LSAMP: variants seen among roughly 807,000 people sequenced by gnomAD.
The protein encoded by LSAMP is limbic system associated membrane protein.
In LSAMP, 7 loss-of-function variants were observed where a neutral mutation model predicts 38.6. The observed-to-expected ratio is 0.18, with a 90% CI of 0.10 to 0.34. The LOEUF (loss-of-function observed/expected upper bound fraction) is 0.34, where lower values mean the gene tolerates loss of function less well. Among genes scored for constraint, LSAMP ranks in the 10% least tolerant of loss-of-function variants. LSAMP has a pLI of 1.00. For missense variants in LSAMP, 313 were observed against 420.0 expected (o/e 0.75, Z 2.23); for synonymous variants, 154 against 166.8 (o/e 0.92, Z 0.59).
intron 2 of LSAMP, among the ~76,000 whole-genome samples, chr3:116,078,109 C>A: frequency 6.6e-6 from 1 of 152,000 alleles, no homozygotes; most frequent in East Asian, 1.9e-4. Context: ...TTGTGGGCAG[C>A]TACTTTAACA....
intron 3 of LSAMP, among the ~76,000 whole-genome samples, chr3:115,995,034 T>A (rs890325164): frequency 8.5e-5 from 13 of 152,136 alleles, no homozygotes; most frequent in African/African-American, 3.1e-4. Flanking sequence ...TGTAAAGCAT[T>A]CCTAGAAGCT....
chr3:116,301,628 T>C (rs999432611), intron 1 of LSAMP, among the ~76,000 whole-genome samples: 4 of 152,158 alleles, frequency 2.6e-5, no homozygotes, highest in Non-Finnish European at 4.4e-5. Flanking sequence ...ATGCATTTCA[T>C]TGGATTGAGT....
At chr3:115,864,696 C>T (rs908832223) in intron 3 of LSAMP, among the ~76,000 whole-genome samples, 8 of 152,106 alleles carry the variant, frequency 5.3e-5, no homozygotes, top group Admixed American at 2.0e-4. Flanking sequence ...CTAGTGTCCT[C>T]GCACCACCTC....
intron 4 of LSAMP, 124 bp downstream of exon 4, chr3:115,852,359 A>C (rs1056309941): frequency 2.6e-6 from 3 of 1,169,662 alleles, no homozygotes; most frequent in Non-Finnish European, 3.5e-6. Flanking sequence ...ATAAATGTGC[A>C]TTCCTGGCCA....
At chr3:116,248,508 T>A (rs960125489) in intron 1 of LSAMP, among the ~76,000 whole-genome samples, 48 of 151,368 alleles carry the variant, frequency 3.2e-4, no homozygotes, top group Middle Eastern at 3.4e-3. Context: ...TGTGTGTGTG[T>A]GTGTGTGTGT....
chr3:116,352,626 G>A (rs2048157677), intron 1 of LSAMP, among the ~76,000 whole-genome samples: 1 of 152,108 alleles, frequency 6.6e-6, no homozygotes, highest in African/African-American at 2.4e-5. Flanking sequence ...AGTCTCTCCA[G>A]AGAATGTGAT....
intron 2 of LSAMP, among the ~76,000 whole-genome samples, chr3:116,020,932 C>T (rs1258225475): frequency 6.6e-6 from 1 of 152,068 alleles, no homozygotes; most frequent in Non-Finnish European, 1.5e-5. Flanking sequence ...TGTGTAGTGA[C>T]GAATAAAACA....
chr3:116,103,557 C>CTT (rs547545490), intron 1 of LSAMP, among the ~76,000 whole-genome samples: 1,999 of 117,898 alleles, frequency 0.017, 81 homozygotes, highest in African/African-American at 0.062. Flanking sequence ...CTCATTCCAT[C>CTT]TTTTTTTTTT....
intron 6 of LSAMP, among the ~76,000 whole-genome samples, chr3:115,811,324 G>A (rs1933824525): frequency 6.6e-6 from 1 of 152,158 alleles, no homozygotes; most frequent in Non-Finnish European, 1.5e-5. Flanking sequence ...GATTGGGGAG[G>A]AGGAAATCAG....
chr3:116,017,227 A>G (rs1359204725), intron 3 of LSAMP, among the ~76,000 whole-genome samples: 1 of 152,154 alleles, frequency 6.6e-6, no homozygotes, highest in Non-Finnish European at 1.5e-5. Context: ...AAAGGAATCT[A>G]TCTTTAAGTT....
chr3:116,268,381 C>A (rs182290324), intron 1 of LSAMP, among the ~76,000 whole-genome samples: 2 of 152,094 alleles, frequency 1.3e-5, no homozygotes, highest in East Asian at 3.9e-4. Flanking sequence ...TAAATCCATA[C>A]CCTATCCTTC....
chr3:115,886,218 A>C (rs965896169), intron 3 of LSAMP, among the ~76,000 whole-genome samples: 6 of 151,976 alleles, frequency 3.9e-5, no homozygotes, highest in Non-Finnish European at 8.8e-5. Context: ...ACCCTTACAG[A>C]CAGACTCAGA....
intron 1 of LSAMP, among the ~76,000 whole-genome samples, chr3:116,094,877 T>C (rs574893477): frequency 6.6e-6 from 1 of 152,346 alleles, no homozygotes; most frequent in African/African-American, 2.4e-5. Context: ...TTCAACCTCT[T>C]AGAACCATTC....
At chr3:116,149,389 T>A (rs1709560336) in intron 1 of LSAMP, among the ~76,000 whole-genome samples, 1 of 151,976 alleles carries the variant, frequency 6.6e-6, no homozygotes, top group Non-Finnish European at 1.5e-5. Flanking sequence ...TTCCTGACCA[T>A]TAAACCTGGC....
intron 3 of LSAMP, among the ~76,000 whole-genome samples, chr3:116,001,615 A>AG (rs1190837360): frequency 6.6e-6 from 1 of 152,150 alleles, no homozygotes; most frequent in Non-Finnish European, 1.5e-5. Context: ...TGGTGGTTTG[A>AG]GGGGGAGAAT....
At chr3:116,421,491 C>A (rs536943922) in intron 1 of LSAMP, among the ~76,000 whole-genome samples, 2 of 151,112 alleles carry the variant, frequency 1.3e-5, no homozygotes, top group Non-Finnish European at 1.5e-5. Flanking sequence ...TTGCAGTGAA[C>A]TGAGATCGTG....
chr3:116,164,619 TATAATCCAAATATATATA>T (rs1709989740), intron 1 of LSAMP, among the ~76,000 whole-genome samples: 2 of 131,914 alleles, frequency 1.5e-5, no homozygotes, highest in Non-Finnish European at 3.1e-5. Context: ...TATATATATA[TATAATCCAAATATATATA>T]TATATATAAT....
At chr3:116,022,382 C>T (rs537782932) in intron 2 of LSAMP, among the ~76,000 whole-genome samples, 2 of 152,206 alleles carry the variant, frequency 1.3e-5, no homozygotes, top group East Asian at 1.9e-4. Flanking sequence ...TACACCACAT[C>T]GTCATTTCCC....
intron 1 of LSAMP, among the ~76,000 whole-genome samples, chr3:116,132,288 C>CT (rs1709152216): frequency 3.3e-5 from 5 of 151,770 alleles, no homozygotes. Context: ...CCCTGGAGGC[C>CT]TTGAAAGACA....
Sources: gnomAD v4.1 joint callset for allele counts (sites outside exome capture counted in the v4.1 genomes callset) on GRCh38, gnomAD v4.1.1 for gene constraint, MANE v1.5 for transcripts, NCBI Gene and HGNC (gene_info 2026-07-23, HGNC 2026-07-21) for gene names.